The following TENM3 variants were observed in gnomAD, a reference collection of about 807,000 sequenced individuals.
TENM3 encodes teneurin transmembrane protein 3, also known as teneurin-3.
TENM3 carries 63 observed loss-of-function variants against 255.1 expected under a neutral mutation model. That is an observed-to-expected ratio of 0.25 (90% CI 0.20 to 0.30). TENM3 has a LOEUF of 0.30. Ranked by LOEUF, TENM3 falls within the 10% of genes least tolerant of loss-of-function variation. The pLI, the probability that TENM3 is intolerant of heterozygous loss-of-function variation, is 1.00. For synonymous variants in TENM3, 1,306 were observed against 1,322.3 expected, an observed-to-expected ratio of 0.99 and a Z score of 0.27; for missense variants, 2,929 against 3,461.1, an observed-to-expected ratio of 0.85 and a Z score of 3.86.
chr4:182,337,494 T>C (rs1764217930), intron 2 of TENM3, among the ~76,000 whole-genome samples: 1 of 152,054 alleles, frequency 6.6e-6, no homozygotes, highest in Non-Finnish European at 1.5e-5. Context: ...CACAATGAAA[T>C]ACTACCACTC....
intron 1 of TENM3, among the ~76,000 whole-genome samples, chr4:182,162,915 T>C (rs527845114): frequency 1.3e-5 from 2 of 152,286 alleles, no homozygotes; most frequent in South Asian, 4.1e-4. Flanking sequence ...ACTTTCAATA[T>C]GAACTTCGGA....
chr4:182,046,576 T>C, the TENM3 span, among the ~76,000 whole-genome samples: 1 of 148,780 alleles, frequency 6.7e-6, no homozygotes, highest in East Asian at 2.0e-4. Flanking sequence ...ATAATAATAA[T>C]AATAACAACC....
At chr4:181,878,616 G>A in the TENM3 span, among the ~76,000 whole-genome samples, 1 of 151,908 alleles carries the variant, frequency 6.6e-6, no homozygotes, top group Non-Finnish European at 1.5e-5. Context: ...TTTATAATAT[G>A]TTGTCTTCCT....
At chr4:181,888,840 A>ATG in the TENM3 span, among the ~76,000 whole-genome samples, 20 of 151,166 alleles carry the variant, frequency 1.3e-4, no homozygotes, top group Non-Finnish European at 2.5e-4. Context: ...AGGGCAGGAG[A>ATG]TGTGTGTTCC....
intron 3 of TENM3, among the ~76,000 whole-genome samples, chr4:182,500,867 AT>A (rs1736244320): frequency 6.6e-6 from 1 of 152,164 alleles, no homozygotes; most frequent in South Asian, 2.1e-4. Flanking sequence ...TATTAAGATA[AT>A]TTAGGGTATA....
chr4:182,312,836 C>T lies in TENM3; in HGVS notation c.-75-11110C>T, dbSNP rs73007725. Among the ~76,000 whole-genome samples the T allele has an allele frequency of 3.9e-3, 589 of 152,280 alleles. 5 individuals are homozygous for T. The highest frequency in any genetic ancestry group is 0.013 in the African/African-American group (560 of 41,552). ...CAAGCTTGGAAAGCTGCATTTGGCT[C>T]AGCTGTATTGGATCCTTGAGTGCCT... On this transcript the variant is annotated intron_variant, in intron 1 of 27. Transcript: ENST00000511685.
At chr4:182,750,993 A>C (rs1203540402) in intron 19 of TENM3, among the ~76,000 whole-genome samples, 1 of 152,220 alleles carries the variant, frequency 6.6e-6, no homozygotes, top group Non-Finnish European at 1.5e-5. Flanking sequence ...CCTCCTTAAC[A>C]GTGTTGGGCT....
chr4:181,567,890 G>C, the TENM3 span, among the ~76,000 whole-genome samples: 3 of 152,062 alleles, frequency 2.0e-5, no homozygotes, highest in African/African-American at 7.2e-5. Context: ...AAACTATGAA[G>C]TTGTGGAGCT....
At chr4:182,423,272 G>A (rs1770974348) in intron 3 of TENM3, among the ~76,000 whole-genome samples, 4 of 152,158 alleles carry the variant, frequency 2.6e-5, no homozygotes, top group Admixed American at 2.6e-4. Context: ...TTTAGGAAGA[G>A]AGGTGCTGGA....
At chr4:182,701,462 C>T (rs1281062028) in intron 12 of TENM3, among the ~76,000 whole-genome samples, 4 of 151,794 alleles carry the variant, frequency 2.6e-5, no homozygotes, top group Admixed American at 1.3e-4. Flanking sequence ...CCTCGTGATC[C>T]GCCCACCTCG....
At chr4:181,826,685 C>T in the TENM3 span, among the ~76,000 whole-genome samples, 1 of 152,172 alleles carries the variant, frequency 6.6e-6, no homozygotes, top group African/African-American at 2.4e-5. Context: ...CGAATCTTAA[C>T]CCTAGCTACA....
In TENM3 at chr4:182,716,834, A is replaced by G. The variant is rs148215443; in HGVS notation, c.2368+2601A>G. Reference sequence around the variant, plus strand: ...TGACTGATTGTAGTGTTATAGATCCATTGTCTAAGTTTAGTTATCAAAATG... The same window carrying G: ...TGACTGATTGTAGTGTTATAGATCCGTTGTCTAAGTTTAGTTATCAAAATG... On this transcript the variant is annotated intron_variant, in intron 13 of 27. Coordinates refer to ENST00000511685, the MANE Select transcript of TENM3 (RefSeq NM_001080477.4). Among the ~76,000 whole-genome samples, 1,263 of 152,306 alleles carry G rather than the reference A, an allele frequency of 8.3e-3. 8 individuals carry two copies. The highest frequency in any genetic ancestry group is 0.012 in the Non-Finnish European group (837 of 68,032).
chr4:181,654,740 G>T, the TENM3 span, among the ~76,000 whole-genome samples: 1 of 133,072 alleles, frequency 7.5e-6, no homozygotes, highest in East Asian at 2.3e-4. Flanking sequence ...GGCAATAAGA[G>T]TGAAACTCCA....
intron 24 of TENM3, among the ~76,000 whole-genome samples, chr4:182,787,195 TG>T (rs1765734692): frequency 6.6e-6 from 1 of 152,246 alleles, no homozygotes; most frequent in Non-Finnish European, 1.5e-5. Context: ...AGCCTCCAGC[TG>T]GCTGGTCAGA....
the TENM3 span, among the ~76,000 whole-genome samples, chr4:181,692,568 A>G: frequency 6.6e-6 from 1 of 152,194 alleles, no homozygotes; most frequent in Admixed American, 6.5e-5. Flanking sequence ...CTTATTGGGT[A>G]TAAACCACGT....
At chr4:181,836,061 A>T in the TENM3 span, among the ~76,000 whole-genome samples, 5 of 152,060 alleles carry the variant, frequency 3.3e-5, no homozygotes, top group South Asian at 2.1e-4. Flanking sequence ...TCCTATGGGT[A>T]CTACCTGATG....
At chr4:182,760,101 G>A (rs1431265885) in intron 22 of TENM3, among the ~76,000 whole-genome samples, 1 of 151,936 alleles carries the variant, frequency 6.6e-6, no homozygotes, top group Non-Finnish European at 1.5e-5. Context: ...TGACTTGCTG[G>A]GCTGTAGAAA....
rs367707505 is a variant in TENM3, at chr4:182,688,139, G to A, written c.2036-27G>A. 30 of 1,559,618 alleles carry A rather than the reference G, an allele frequency of 1.9e-5. No homozygotes were observed. In the Middle Eastern group the frequency reaches 5.1e-4, roughly 27 times the overall value. On this transcript the variant is annotated intron_variant, in intron 11 of 27. Transcript: ENST00000511685. ...CTCTCTCCCGCCACTCTTCTCTCCTGTTTTGTGTCCTCTTCCTCCCACATA... is the reference window on the plus strand; with the variant it reads ...CTCTCTCCCGCCACTCTTCTCTCCTATTTTGTGTCCTCTTCCTCCCACATA...
chr4:181,919,490 C>T, the TENM3 span, among the ~76,000 whole-genome samples: 2 of 151,796 alleles, frequency 1.3e-5, no homozygotes, highest in Admixed American at 6.6e-5. Flanking sequence ...ACCTGAGGGG[C>T]CATTAACTTT....
Sources: gnomAD v4.1 joint callset for allele counts (sites outside exome capture counted in the v4.1 genomes callset) on GRCh38, gnomAD v4.1.1 for gene constraint, MANE v1.5 for transcripts, NCBI Gene and HGNC (gene_info 2026-07-23, HGNC 2026-07-21) for gene names.